Variants in GLP2R observed in about 807,000 individuals in gnomAD.
The protein encoded by GLP2R is glucagon-like peptide 2 receptor.
GLP2R carries 59 observed loss-of-function variants against 68.2 expected under a neutral mutation model. The observed-to-expected ratio is 0.87, with a 90% CI of 0.70 to 1.07. GLP2R has a LOEUF of 1.07. Among genes scored for constraint, GLP2R ranks in the 50% least tolerant of loss-of-function variants. The pLI is 0.00. For missense variants in GLP2R, 548 were observed against 677.4 expected (o/e 0.81, Z 2.12); for synonymous variants, 270 against 265.4 (o/e 1.02, Z -0.17).
At chr17:9,857,664 G>C in intron 6 of GLP2R, 88 bp downstream of exon 6, 1 of 1,283,626 alleles carries the variant, frequency 7.8e-7, no homozygotes, top group Non-Finnish European at 1.1e-6. Flanking sequence ...GGACTAGGGA[G>C]GGGCAGCGGG....
At position 9,848,427 on chromosome 17, in the gene GLP2R, A is replaced by AG. The variant is rs538692048; in HGVS notation, c.504+5817dup. ...ACAAATTCTGAGCCAATTGGTCTGT[A>AG]GGGGGGTCCAGCCATCAATACTAGT... On this transcript the variant is annotated intron_variant, in intron 4 of 12. Coordinates refer to ENST00000262441, the MANE Select transcript of GLP2R (RefSeq NM_004246.3). 5.8e-3 allele frequency among the ~76,000 whole-genome samples: 884 copies of AG among 152,260 alleles called. 7 individuals carry two copies. Among genetic ancestry groups the AG allele is most frequent in the South Asian group, 0.012 (60 of 4,818 alleles).
chr17:9,876,356 G>A (rs1391675615), intron 10 of GLP2R, among the ~76,000 whole-genome samples: 1 of 152,200 alleles, frequency 6.6e-6, no homozygotes, highest in Non-Finnish European at 1.5e-5. Context: ...AGTCTTATAT[G>A]ACGTAGGAGA....
chr17:9,887,546 C>A (rs1288416280), intron 11 of GLP2R, among the ~76,000 whole-genome samples: 1 of 151,958 alleles, frequency 6.6e-6, no homozygotes, highest in Non-Finnish European at 1.5e-5. Context: ...AACAAATAAA[C>A]AAACATTAGC....
intron 4 of GLP2R, among the ~76,000 whole-genome samples, chr17:9,846,076 T>A (rs929688388): frequency 6.6e-6 from 1 of 152,352 alleles, no homozygotes; most frequent in African/African-American, 2.4e-5. Flanking sequence ...CAACTTTATA[T>A]GTTGAGTCTT....
intron 3 of GLP2R, among the ~76,000 whole-genome samples, chr17:9,839,604 G>C (rs961397599): frequency 1.3e-5 from 2 of 151,922 alleles, no homozygotes; most frequent in Non-Finnish European, 2.9e-5. Flanking sequence ...CTCAGATCTG[G>C]CCCCCTCCAG....
chr17:9,882,963 A>C (rs144466850), intron 11 of GLP2R, among the ~76,000 whole-genome samples: 1 of 148,030 alleles, frequency 6.8e-6, no homozygotes, highest in Non-Finnish European at 1.5e-5. Flanking sequence ...TCTGCAAAGA[A>C]ACAAAAAAGT....
At chr17:9,877,330 G>A (rs1016619592) in intron 10 of GLP2R, among the ~76,000 whole-genome samples, 1 of 152,190 alleles carries the variant, frequency 6.6e-6, no homozygotes, top group Non-Finnish European at 1.5e-5. Flanking sequence ...GACACAAATA[G>A]TACTTCGTCT....
intron 1 of GLP2R, among the ~76,000 whole-genome samples, chr17:9,826,477 T>C (rs1714021638): frequency 6.6e-6 from 1 of 152,120 alleles, no homozygotes; most frequent in Non-Finnish European, 1.5e-5. Flanking sequence ...ACAGCTGATA[T>C]TAGGAAGCAT....
chr17:9,860,787 T>G (rs55836062), intron 7 of GLP2R, among the ~76,000 whole-genome samples: 6,243 of 152,226 alleles, frequency 0.041, 398 homozygotes, highest in African/African-American at 0.14. Context: ...AGTATCTAGA[T>G]TTGGACCCCC....
chr17:9,870,918 A>G (rs371983154), intron 10 of GLP2R, 83 bp downstream of exon 10: 2 of 749,920 alleles, frequency 2.7e-6, no homozygotes, highest in Non-Finnish European at 4.9e-6. Flanking sequence ...TGGGAAGGAC[A>G]TTTATCTCCT....
intron 6 of GLP2R, 64 bp from the exon 7 acceptor site, chr17:9,859,877 TC>T: frequency 1.8e-6 from 1 of 558,152 alleles, no homozygotes; most frequent in Non-Finnish European, 2.7e-6. Context: ...GAGGCCCTTC[TC>T]CCCCGACTCG....
At chr17:9,874,023 T>C (rs1027332153) in intron 10 of GLP2R, among the ~76,000 whole-genome samples, 9 of 152,166 alleles carry the variant, frequency 5.9e-5, no homozygotes, top group Non-Finnish European at 1.3e-4. Flanking sequence ...TGTATATGCA[T>C]GGTATCATGA....
chr17:9,877,881 A>G (rs1279370376), intron 10 of GLP2R, among the ~76,000 whole-genome samples: 2 of 151,596 alleles, frequency 1.3e-5, no homozygotes, highest in Admixed American at 1.3e-4. Flanking sequence ...CGTCTCAAAA[A>G]AAAAAAAAAA....
At chr17:9,864,947 G>A (rs1597394291) in intron 9 of GLP2R, among the ~76,000 whole-genome samples, 1 of 152,094 alleles carries the variant, frequency 6.6e-6, no homozygotes, top group Admixed American at 6.6e-5. Flanking sequence ...TTCCTAGTTG[G>A]GACAAGAGAA....
At chr17:9,843,881 G>A (rs2066811345) in intron 4 of GLP2R, among the ~76,000 whole-genome samples, 1 of 151,274 alleles carries the variant, frequency 6.6e-6, no homozygotes, top group Non-Finnish European at 1.5e-5. Flanking sequence ...GAATAAACAG[G>A]GGATAGCACG....
At chr17:9,862,327 T>G (rs1355134120) in intron 9 of GLP2R, among the ~76,000 whole-genome samples, 1 of 152,214 alleles carries the variant, frequency 6.6e-6, no homozygotes, top group Non-Finnish European at 1.5e-5. Flanking sequence ...TAAAGAGACC[T>G]GCAGTCAGCT....
intron 3 of GLP2R, among the ~76,000 whole-genome samples, chr17:9,840,092 T>C (rs2066771696): frequency 6.6e-6 from 1 of 151,428 alleles, no homozygotes; most frequent in Admixed American, 6.6e-5. Flanking sequence ...TTCTCCTGCC[T>C]CAGCCTCCCA....
intron 8 of GLP2R, 122 bp downstream of exon 8, chr17:9,861,321 A>T (rs1393000278): frequency 1.4e-6 from 1 of 695,800 alleles, no homozygotes; most frequent in Admixed American, 2.3e-5. Flanking sequence ...GGCCATCTAG[A>T]ATATTCTTAG....
intron 11 of GLP2R, among the ~76,000 whole-genome samples, chr17:9,885,499 T>G (rs531899165): frequency 1.5e-4 from 23 of 152,214 alleles, no homozygotes; most frequent in Admixed American, 9.2e-4. Flanking sequence ...TTCATTCACA[T>G]AACTAGACAT....
Sources: allele counts gnomAD v4.1 joint callset (sites outside exome capture counted in the v4.1 genomes callset), GRCh38; gene constraint gnomAD v4.1.1; transcripts MANE v1.5; gene names NCBI Gene and HGNC (gene_info 2026-07-23, HGNC 2026-07-21).